CSF2RB: variants seen among roughly 807,000 people sequenced by gnomAD.
CSF2RB encodes colony stimulating factor 2 receptor subunit beta, also known as cytokine receptor common subunit beta.
CSF2RB carries 22 observed loss-of-function variants against 67.2 expected under a neutral mutation model. That is an observed-to-expected ratio of 0.33 (90% CI 0.23 to 0.47). CSF2RB has a LOEUF of 0.47. Ranked by LOEUF, CSF2RB falls within the 20% of genes least tolerant of loss-of-function variation. CSF2RB has a pLI of 1.00. For missense variants in CSF2RB, 1,113 were observed against 1,174.5 expected (o/e 0.95, Z 0.76); for synonymous variants, 507 against 482.9 (o/e 1.05, Z -0.65).
rs976709538 is a variant in CSF2RB at position 36,940,342 on chromosome 22, A to T, written c.*1840A>T. ...TCCTCTGTTCATAATGAACAAGATG[A>T]ACCAATGTGGATTAGAAAGAAGTCC... On this transcript the variant is annotated 3_prime_UTR_variant, in exon 14 of 14. Transcript: ENST00000403662. 1 of 152,270 alleles carries T rather than the reference A, an allele frequency of 6.6e-6. No homozygotes were observed. Among genetic ancestry groups the T allele is most frequent in the South Asian group, 2.1e-4 (1 of 4,834 alleles). The allele number at this position is 152,270 out of a possible 1,614,324, so 9.4% of individuals were successfully genotyped here.
At chr22:36,929,091 C>T (rs1432917837) in intron 4 of CSF2RB, among the ~76,000 whole-genome samples, 7 of 150,118 alleles carry the variant, frequency 4.7e-5, no homozygotes, top group Non-Finnish European at 7.5e-5. Flanking sequence ...CCACCCAGGC[C>T]GCAGCGTGGG....
At position 36,939,529 on chromosome 22, in the gene CSF2RB, C is replaced by T. The variant is rs1340344167; in HGVS notation, c.*1027C>T. The stretch of plus-strand genomic sequence containing the variant: ...GGATTATGGTTCTTTTAAATCTTTG[C>T]CTTTCAGATACAGGAAAAATAATGG... On this transcript the variant is annotated 3_prime_UTR_variant, in exon 14 of 14. Transcript: ENST00000403662. The T allele has an allele frequency of 1.8e-5, 6 of 341,830 alleles. No individual in the cohort carries two copies. The highest frequency in any genetic ancestry group is 2.7e-5 in the Non-Finnish European group (5 of 184,334). 21.2% of individuals were successfully genotyped at this position (341,830 alleles called of 1,614,324 possible).
Position 36,930,742 on chromosome 22 carries a change from T to TC in CSF2RB, c.927dup (p.Val310ArgfsTer64), listed in dbSNP as rs1208243808. 1 of 1,613,714 alleles carries TC rather than the reference T, an allele frequency of 6.2e-7. No homozygotes were observed. Among genetic ancestry groups the TC allele is most frequent in the Admixed American group, 1.7e-5 (1 of 60,012 alleles). ...TCCACACCAGGCACCACTGCCAGAT[T>TC]CCCGTGCCCGACCCCGCGACCCACG... is the stretch of plus-strand genomic sequence containing the variant. On this transcript the variant is annotated frameshift_variant, in exon 8 of 14. Coordinates refer to ENST00000403662, the MANE Select transcript of CSF2RB (RefSeq NM_000395.3). LOFTEE classifies it high-confidence loss of function.
chr22:36,939,014 G>A lies in CSF2RB; in HGVS notation c.*512G>A. 1 of 629,652 alleles carries A rather than the reference G, an allele frequency of 1.6e-6. No individual in the cohort carries two copies. The allele number at this position is 629,652 out of a possible 1,614,324, so 39.0% of individuals were successfully genotyped here. The stretch of plus-strand genomic sequence containing the variant: ...TGCAGAGGTGGGAGGCACCAGGTGG[G>A]CACCCGTGGGGGTTAGGGCTTGGAA... On this transcript the variant is annotated 3_prime_UTR_variant, in exon 14 of 14. Transcript: ENST00000403662.
intron 12 of CSF2RB, 105 bp from the exon 13 acceptor site, chr22:36,936,444 T>C: frequency 1.2e-6 from 1 of 866,630 alleles, no homozygotes; most frequent in Non-Finnish European, 1.9e-6. Context: ...GATTCTTCTC[T>C]TGTCTGGGGG....
chr22:36,930,582 G>A, intron 7 of CSF2RB, 72 bp downstream of exon 7: 1 of 1,611,122 alleles, frequency 6.2e-7, no homozygotes, highest in Non-Finnish European at 8.5e-7. Context: ...CCTGTCCCTG[G>A]GGCCCCAGCA....
chr22:36,934,227 G>A (rs1281977881), intron 10 of CSF2RB, among the ~76,000 whole-genome samples: 1 of 152,140 alleles, frequency 6.6e-6, no homozygotes, highest in Non-Finnish European at 1.5e-5. Flanking sequence ...GCAGAAACTG[G>A]GCGTGGAGTC....
chr22:36,936,376 C>T lies in CSF2RB; in HGVS notation c.1465-173C>T, dbSNP rs528392800. ...AGGGACATGGGGGAAGTCCCCGCCC[C>T]TCTCTGGGCCTCACTTTGCTGGTGT... On this transcript the variant is annotated intron_variant, in intron 12 of 13. Transcript: ENST00000403662. Among the ~76,000 whole-genome samples, 194 of 152,258 alleles carry T rather than the reference C, an allele frequency of 1.3e-3. 2 individuals are homozygous for T. The highest frequency in any genetic ancestry group is 2.9e-4 in the Non-Finnish European group (20 of 68,002).
intron 1 of CSF2RB, among the ~76,000 whole-genome samples, chr22:36,921,413 T>C (rs1029960592): frequency 4.6e-5 from 7 of 151,926 alleles, no homozygotes; most frequent in Non-Finnish European, 1.0e-4. Context: ...TATGTATGTA[T>C]CTGTGTGTGT....
chr22:36,924,504 C>T (rs1222050034), intron 3 of CSF2RB, among the ~76,000 whole-genome samples: 1 of 152,158 alleles, frequency 6.6e-6, no homozygotes, highest in African/African-American at 2.4e-5. Flanking sequence ...CATCTCCTGA[C>T]CTGGCAACCC....
Position 36,929,539 on chromosome 22 carries a change from C to A in CSF2RB, c.529C>A (p.Arg177=), listed in dbSNP as rs755188718. The A allele has an allele frequency of 6.2e-7, 1 of 1,614,152 alleles. No individual in the cohort carries two copies. Among genetic ancestry groups the A allele is most frequent in the South Asian group, 1.1e-5 (1 of 91,084 alleles). ...TCTGGAGTTTGAGGTGGTCTACAAG[C>A]GGCTTCAGGACTCTTGGGAGGTAGG... ...GDLEFEVVYK[R]LQDSWEDAAI... is the part of the protein sequence containing the mutation. Residue 177 remains arginine, a synonymous_variant, in exon 5 of 14, where the codon CGG becomes AGG. Transcript: ENST00000403662.
chr22:36,919,044 T>C (rs1010183326), intron 1 of CSF2RB, among the ~76,000 whole-genome samples: 2 of 152,238 alleles, frequency 1.3e-5, no homozygotes, highest in African/African-American at 2.4e-5. Flanking sequence ...GTTTCTATTC[T>C]CATCTCCTTG....
Position 36,938,831 on chromosome 22 carries a change from A to T in CSF2RB, c.*329A>T. On this transcript the variant is annotated 3_prime_UTR_variant, in exon 14 of 14. Transcript: ENST00000403662. ...TTAATCAGGTTTCCTTGCTTTTGCC[A>T]TTTTTCTTCCTTCTTTTTTCACTGA... is the stretch of plus-strand genomic sequence containing the variant. 1.9e-6 allele frequency: 1 copy of T among 531,712 alleles called. No individual in the cohort carries two copies. Among genetic ancestry groups the T allele is most frequent in the Non-Finnish European group, 3.3e-6 (1 of 302,292 alleles). The allele number at this position is 531,712 out of a possible 1,614,324, so 32.9% of individuals were successfully genotyped here. A position where few individuals can be genotyped will look rare whatever the true frequency, so the allele number is the denominator to read the frequency against.
At position 36,937,950 on chromosome 22, in the gene CSF2RB, T is replaced by C. The variant is rs369288755; in HGVS notation, c.2142T>C (p.Ser714=). ...GAGTGGCCTCTGGTTATGTCTCCTCTGCAGACCTGGTATTCACCCCAAACT... is the reference window on the plus strand; with the variant it reads ...GAGTGGCCTCTGGTTATGTCTCCTCCGCAGACCTGGTATTCACCCCAAACT... ...DPGVASGYVS[S]ADLVFTPNSG... is the part of the protein sequence containing the mutation. The change falls in exon 14 of 14, where the codon TCT becomes TCC. Residue 714 remains serine (S), a synonymous_variant. Transcript: ENST00000403662. This position sits in a 1 kb window ranked among gnomAD's most constrained non-coding sequence, Gnocchi z 4.6. 9 of 1,614,150 alleles carry C rather than the reference T, an allele frequency of 5.6e-6. No individual in the cohort carries two copies. The African/African-American group carries it at 1.2e-4, about 22-fold the overall frequency.
chr22:36,939,072 C>A lies in CSF2RB; in HGVS notation c.*570C>A. 1.4e-6 allele frequency: 1 copy of A among 697,138 alleles called. No individual in the cohort carries two copies. Among genetic ancestry groups the A allele is most frequent in the Admixed American group, 2.0e-5 (1 of 49,858 alleles). The allele number at this position is 697,138 out of a possible 1,614,324, so 43.2% of individuals were successfully genotyped here. On this transcript the variant is annotated 3_prime_UTR_variant, in exon 14 of 14. Coordinates refer to ENST00000403662, the MANE Select transcript of CSF2RB (RefSeq NM_000395.3). ...ACAGGACTGGGCACGCTCAGTGAGG[C>A]TCAGGGAATTCAGACTAGCCTCGAT...
At chr22:36,919,087 G>T (rs1267201441) in intron 1 of CSF2RB, among the ~76,000 whole-genome samples, 1 of 152,202 alleles carries the variant, frequency 6.6e-6, no homozygotes, top group African/African-American at 2.4e-5. Flanking sequence ...GCACCTAGTG[G>T]CAACGGAGTA....
chr22:36,928,757 C>T (rs1019490398), intron 4 of CSF2RB, among the ~76,000 whole-genome samples: 4 of 152,160 alleles, frequency 2.6e-5, no homozygotes, highest in South Asian at 2.1e-4. Context: ...ACTGAGAAGC[C>T]GCATCTCAGC....
chr22:36,932,821 C>T lies in CSF2RB; in HGVS notation c.1069C>T (p.Arg357Cys), dbSNP rs770782845. The T allele has an allele frequency of 1.2e-5, 20 of 1,613,926 alleles. No individual in the cohort carries two copies. In the East Asian group the frequency reaches 3.8e-4, roughly 31 times the overall value. The change falls in exon 9 of 14, where the codon CGC becomes TGC. Residue 357 changes from arginine to cysteine, a missense_variant. Arg to Cys is a radical substitution (Grantham distance 180, BLOSUM62 -3). This residue lies in a region of CSF2RB where 559 missense variants were observed against 656.5 expected (regional missense o/e 0.85). Transcript: ENST00000403662. ...CAAGGATGGAGACAGCTACAGCCTGCGCTGGGAAACAATGAAAATGCGATA... is the reference window on the plus strand; with the variant it reads ...CAAGGATGGAGACAGCTACAGCCTGTGCTGGGAAACAATGAAAATGCGATA... The part of the protein sequence containing the change: ...VTKDGDSYSL[R>C]WETMKMRYEH...
Position 36,913,939 on chromosome 22 carries a change from G to A in CSF2RB, c.-173+262G>A, listed in dbSNP as rs143459764. On this transcript the variant is annotated intron_variant, in intron 1 of 13. Coordinates refer to ENST00000403662, the MANE Select transcript of CSF2RB (RefSeq NM_000395.3). ...AGAGCTCTGGGGAGGACTCAGCCTC[G>A]CTAGCGGGATCTGGTTGGTCCTGGT... Among the ~76,000 whole-genome samples, 207 of 152,184 alleles carry A rather than the reference G, an allele frequency of 1.4e-3. No individual in the cohort carries two copies. In the South Asian group the frequency reaches 0.014, roughly 11 times the overall value.
Sources: allele counts gnomAD v4.1 joint callset (sites outside exome capture counted in the v4.1 genomes callset), GRCh38; gene constraint gnomAD v4.1.1; regional missense constraint gnomAD v4.1.1; non-coding constraint Gnocchi (gnomAD v3.1); transcripts MANE v1.5; gene names NCBI Gene and HGNC (gene_info 2026-07-23, HGNC 2026-07-21).